Variants in ZNF695 observed in about 807,000 individuals in gnomAD.
ZNF695 encodes the protein zinc finger protein 695, also known as zinc finger protein SBZF3.
Under a neutral mutation model 11.2 loss-of-function variants are expected in ZNF695, and 11 were observed. The ratio of observed to expected loss-of-function variants is 0.98; its 90% CI spans 0.62 to 1.62. The LOEUF (loss-of-function observed/expected upper bound fraction) is 1.62. Ranked by LOEUF, ZNF695 falls within the 40% of genes most tolerant of loss-of-function variation. The probability of loss-of-function intolerance (pLI) is 0.00; values close to 1 mark genes in which losing one functional copy is unlikely to be tolerated. For missense variants in ZNF695, 559 were observed against 590.5 expected, an observed-to-expected ratio of 0.95 and a Z score of 0.55; for synonymous variants, 190 against 201.4, an observed-to-expected ratio of 0.94 and a Z score of 0.48.
intron 5 of ZNF695, among the ~76,000 whole-genome samples, chr1:246,951,069 C>A (rs1667859639): frequency 6.6e-6 from 1 of 152,018 alleles, no homozygotes; most frequent in Non-Finnish European, 1.5e-5. Flanking sequence ...GAATATTGTG[C>A]TTTTTACTCA....
Position 246,999,376 on chromosome 1 carries a change from C to T in ZNF695, c.231G>A (p.Val77=). The T allele has an allele frequency of 6.2e-7, 1 of 1,614,086 alleles. No homozygotes were observed. Among genetic ancestry groups the T allele is most frequent in the Non-Finnish European group, 8.5e-7 (1 of 1,179,974 alleles). Residue 77 remains valine (V), a synonymous_variant, in exon 3 of 4, where the codon GTG becomes GTA. Transcript: ENST00000339986. ...AGTGTCTGGCTGTCTTCTCTGTGTTCACGTTCCAGGGCTCTTTCCTTGCCT... is the reference window on the plus strand; with the variant it reads ...AGTGTCTGGCTGTCTTCTCTGTGTTTACGTTCCAGGGCTCTTTCCTTGCCT... ...CLEARKEPWN[V]NTEKTARHSV...
At chr1:246,984,484 C>T (rs924929078), downstream of ZNF695, among the ~76,000 whole-genome samples, 12 of 152,276 alleles carry the variant, frequency 7.9e-5, no homozygotes, top group African/African-American at 2.9e-4. Context: ...TATTTCCAAT[C>T]TCTTACCTGG....
In ZNF695 at chr1:246,945,701, C is replaced by T. The variant is rs1453131330; in HGVS notation, c.*96G>A. ...GTGGGAGGCATGTTTTAATTCAGAA[C>T]TCGGGCTGACGCAGCTGGACCCGGT... is the stretch of plus-strand genomic sequence containing the variant. On this transcript the variant is annotated 3_prime_UTR_variant, in exon 6 of 6. Coordinates refer to the ZNF695 transcript ENST00000487338. 43 of 1,323,624 alleles carry T rather than the reference C, an allele frequency of 3.2e-5. No individual in the cohort carries two copies. In the Admixed American group the frequency reaches 8.9e-4, roughly 27 times the overall value. 82.0% of individuals were successfully genotyped at this position (1,323,624 alleles called of 1,614,324 possible). A position where few individuals can be genotyped will look rare whatever the true frequency, so the allele number is the denominator to read the frequency against.
At chr1:246,945,784 C>T in exon 6 of ZNF695, 2 of 1,550,268 alleles carry the variant, frequency 1.3e-6, no homozygotes, top group Non-Finnish European at 1.7e-6. Flanking sequence ...GCGACGGAAC[C>T]TCCGCAGGGT....
downstream of ZNF695, among the ~76,000 whole-genome samples, chr1:246,982,931 C>T (rs886177624): frequency 2.0e-5 from 3 of 152,090 alleles, no homozygotes; most frequent in Non-Finnish European, 2.9e-5. Flanking sequence ...TGGCCGGGCA[C>T]GGTGGCTCAC....
At position 246,985,567 on chromosome 1, in the gene ZNF695, T is replaced by A; in HGVS notation, c.*1400A>T. 1 of 985,146 alleles carries A rather than the reference T, an allele frequency of 1.0e-6. No homozygotes were observed. The highest frequency in any genetic ancestry group is 1.2e-6 in the Non-Finnish European group (1 of 829,888). The allele number at this position is 985,146 out of a possible 1,614,324, so 61.0% of individuals were successfully genotyped here. A position where few individuals can be genotyped will look rare whatever the true frequency, so the allele number is the denominator to read the frequency against. On this transcript the variant is annotated 3_prime_UTR_variant, in exon 4 of 4. Transcript: ENST00000339986. ...AGATAGGTTAACGTTGGTGGTAGGA[T>A]ACGCATCACTTAATGTACAACGGTC...
At chr1:246,997,129 G>A (rs1056371679) in intron 3 of ZNF695, among the ~76,000 whole-genome samples, 3 of 26,944 alleles carry the variant, frequency 1.1e-4, no homozygotes, top group African/African-American at 4.0e-4. Context: ...TTGAGAGGCC[G>A]AGGGGAAGGA....
chr1:246,965,708 A>G (rs1336967042), intron 5 of ZNF695, among the ~76,000 whole-genome samples: 1 of 151,914 alleles, frequency 6.6e-6, no homozygotes, highest in Non-Finnish European at 1.5e-5. Context: ...CCGTACGACC[A>G]TACGAGCTGA....
chr1:246,977,364 C>T (rs1310399210), intron 4 of ZNF695, among the ~76,000 whole-genome samples: 1 of 152,240 alleles, frequency 6.6e-6, no homozygotes. Flanking sequence ...TCAAGCGATT[C>T]TCCTGCTTCA....
chr1:246,991,396 C>G (rs12727420), intron 3 of ZNF695, among the ~76,000 whole-genome samples: 129,652 of 152,196 alleles, frequency 0.85, 55,549 homozygotes, highest in East Asian at 0.99. Flanking sequence ...TTAACAACCA[C>G]AAGTTATAAG....
intron 4 of ZNF695, chr1:246,969,022 G>A (rs1668357413): frequency 6.6e-6 from 1 of 152,246 alleles, no homozygotes; most frequent in Non-Finnish European, 1.5e-5. Context: ...TGTCTTGGCT[G>A]TTAACATACG....
rs553123672 is a variant in ZNF695, at chr1:246,958,411, T to C, written c.488+9284A>G. On this transcript the variant is annotated intron_variant, in intron 5 of 5. Coordinates refer to the ZNF695 transcript ENST00000487338. ...TGAAGTTTGGCAAAAAGTCACAAAA[T>C]ATGTGACTTTGAAGGCTAGGTCATA... is the stretch of plus-strand genomic sequence containing the variant. Among the ~76,000 whole-genome samples, 201 of 152,218 alleles carry C rather than the reference T, an allele frequency of 1.3e-3. 1 individual carries two copies. The highest frequency in any genetic ancestry group is 4.7e-3 in the African/African-American group (194 of 41,544).
In ZNF695 at chr1:246,985,514, T is replaced by G. The variant is rs1668823136; in HGVS notation, c.*1453A>C. The G allele has an allele frequency of 1.0e-6, 1 of 985,428 alleles. No individual in the cohort carries two copies. Among genetic ancestry groups the G allele is most frequent in the Non-Finnish European group, 1.2e-6 (1 of 829,926 alleles). 61.0% of individuals were successfully genotyped at this position (985,428 alleles called of 1,614,324 possible). On this transcript the variant is annotated 3_prime_UTR_variant, in exon 4 of 4. Transcript: ENST00000339986. The stretch of plus-strand genomic sequence containing the variant: ...GTTACCCACTATTGTATTGTTACCA[T>G]TTGTTACCTACAACCGTAACTAAGG...
intron 1 of ZNF695, among the ~76,000 whole-genome samples, chr1:247,001,712 C>CAAAAAAAA (rs56131097): frequency 3.8e-5 from 3 of 79,282 alleles, no homozygotes; most frequent in African/African-American, 4.9e-5. Flanking sequence ...GACTTCGTCT[C>CAAAAAAAA]AAAAAAAAAA....
intron 1 of ZNF695, among the ~76,000 whole-genome samples, chr1:247,004,456 T>C (rs1669480513): frequency 6.7e-6 from 1 of 149,662 alleles, no homozygotes; most frequent in African/African-American, 2.5e-5. Context: ...CACAGTAAAA[T>C]CATACATGAC....
At chr1:246,948,731 G>C (rs1459068033) in intron 5 of ZNF695, among the ~76,000 whole-genome samples, 1 of 152,192 alleles carries the variant, frequency 6.6e-6, no homozygotes, top group Non-Finnish European at 1.5e-5. Flanking sequence ...AGCACTAAGA[G>C]CAAACTTTTC....
rs763545538 is a variant in ZNF695 at position 246,987,541 on chromosome 1, T to C, written c.974A>G (p.Lys325Arg). 1.9e-6 allele frequency: 3 copies of C among 1,602,596 alleles called. No individual in the cohort carries two copies. The highest frequency in any genetic ancestry group is 2.2e-5 in the South Asian group (2 of 89,174). ...AAAGACTTTGCCACATTCTTCACAC[T>C]TGTAGGGTTTCTCTCTACTATGAAT... is the stretch of plus-strand genomic sequence containing the variant. ...KRIHSREKPYKCEECGKVFKL... is the reference protein window; with the variant it reads ...KRIHSREKPYRCEECGKVFKL... The change falls in exon 4 of 4, where the codon AAG becomes AGG. Residue 325 changes from lysine to arginine, a missense_variant. Coordinates refer to ENST00000339986, the MANE Select transcript of ZNF695 (RefSeq NM_020394.5).
exon 6 of ZNF695, chr1:246,945,712 G>C (rs2642982): frequency 0.52 from 750,442 of 1,443,906 alleles, 195,879 homozygotes; most frequent in Admixed American, 0.61. Flanking sequence ...TCGGGCTGAC[G>C]CAGCTGGACC....
intron 4 of ZNF695, among the ~76,000 whole-genome samples, chr1:246,979,522 C>T (rs930367135): frequency 2.6e-5 from 4 of 152,118 alleles, no homozygotes; most frequent in African/African-American, 9.7e-5. Flanking sequence ...CCTCCTTCAG[C>T]TCTCCTCTTC....
Sources: allele counts gnomAD v4.1 joint callset (sites outside exome capture counted in the v4.1 genomes callset), GRCh38; gene constraint gnomAD v4.1.1; transcripts MANE v1.5; gene names NCBI Gene and HGNC (gene_info 2026-07-23, HGNC 2026-07-21).